Variants in ERC1 observed in about 807,000 individuals in gnomAD.
ERC1 encodes the protein ELKS/RAB6-interacting/CAST family member 1, also known as RAB6 interacting protein 2.
In ERC1, 56 loss-of-function variants were observed where a neutral mutation model predicts 132.0. The ratio of observed to expected loss-of-function variants is 0.42; its 90% CI spans 0.34 to 0.53. The LOEUF (loss-of-function observed/expected upper bound fraction) is 0.53. Among genes scored for constraint, ERC1 ranks in the 20% least tolerant of loss-of-function variants. The pLI, the probability that ERC1 is intolerant of heterozygous loss-of-function variation, is 0.03. For synonymous variants in ERC1, 478 were observed against 476.1 expected, an observed-to-expected ratio of 1.00 and a Z score of -0.05; for missense variants, 1,202 against 1,349.9, an observed-to-expected ratio of 0.89 and a Z score of 1.72.
rs1565553228 is a variant in ERC1 at position 1,493,540 on chromosome 12, AAAAAAAAAATATATATATAT to A, written c.*3312_*3331del. 1 of 22,392 alleles carries A rather than the reference AAAAAAAAAATATATATATAT, an allele frequency of 4.5e-5. No individual in the cohort carries two copies. The highest frequency in any genetic ancestry group is 9.9e-5 in the Non-Finnish European group (1 of 10,144). 1.4% of individuals were successfully genotyped at this position (22,392 alleles called of 1,614,324 possible). On this transcript the variant is annotated 3_prime_UTR_variant, in exon 19 of 19. Coordinates refer to ENST00000360905, the MANE Select transcript of ERC1 (RefSeq NM_178040.4). ...TGACAGAGACTCCATTTAAAAAAAA[AAAAAAAAAATATATATATAT>A]ATATATATATATATATATGGATGGG...
intron 17 of ERC1, 36 bp from the exon 18 acceptor site, chr12:1,444,526 C>T (rs1009525602): frequency 7.0e-6 from 10 of 1,436,840 alleles, no homozygotes; most frequent in African/African-American, 4.3e-5. Flanking sequence ...TGACTTTCCT[C>T]ATTTTATTTT....
intron 16 of ERC1, among the ~76,000 whole-genome samples, chr12:1,379,812 A>T (rs2088418720): frequency 6.6e-6 from 1 of 152,142 alleles, no homozygotes. Context: ...GTGACATACC[A>T]TCACTTCTGC....
intron 12 of ERC1, among the ~76,000 whole-genome samples, chr12:1,217,813 C>T (rs1958566103): frequency 6.6e-6 from 1 of 152,210 alleles, no homozygotes. Context: ...TCTAAATCCC[C>T]TTGACTTACT....
At chr12:1,034,529 A>G (rs1968694177) in intron 2 of ERC1, among the ~76,000 whole-genome samples, 1 of 152,188 alleles carries the variant, frequency 6.6e-6, no homozygotes, top group Non-Finnish European at 1.5e-5. Flanking sequence ...GATTGACAGT[A>G]TATGTGTGTG....
At chr12:1,476,568 G>T (rs2093979235) in intron 18 of ERC1, among the ~76,000 whole-genome samples, 1 of 152,186 alleles carries the variant, frequency 6.6e-6, no homozygotes, top group Non-Finnish European at 1.5e-5. Context: ...CAGATGGGAA[G>T]AACTACGAAT....
At chr12:1,074,114 T>C (rs561524754) in intron 2 of ERC1, among the ~76,000 whole-genome samples, 1 of 152,100 alleles carries the variant, frequency 6.6e-6, no homozygotes, top group African/African-American at 2.4e-5. Flanking sequence ...TGCCCGCCTC[T>C]GCCTTCCAAA....
chr12:1,436,636 T>C (rs1013145274), intron 17 of ERC1, among the ~76,000 whole-genome samples: 1 of 152,062 alleles, frequency 6.6e-6, no homozygotes, highest in African/African-American at 2.4e-5. Context: ...TGCCAAAAGG[T>C]GGTGTCGTGC....
chr12:1,008,491 G>T (rs1964116548), intron 1 of ERC1, among the ~76,000 whole-genome samples: 1 of 151,730 alleles, frequency 6.6e-6, no homozygotes, highest in African/African-American at 2.4e-5. Context: ...TGCCCAGGCT[G>T]GTCTCGAACT....
intron 17 of ERC1, among the ~76,000 whole-genome samples, chr12:1,418,683 TTTC>T (rs1377247510): frequency 1.8e-5 from 2 of 108,726 alleles, no homozygotes; most frequent in African/African-American, 9.5e-5. Flanking sequence ...TCTTTCTTTC[TTTC>T]TTTCTTTCTT....
chr12:1,146,315 T>TTTTGTTGTTA (rs1555269119), intron 8 of ERC1, among the ~76,000 whole-genome samples: 1 of 138,650 alleles, frequency 7.2e-6, no homozygotes, highest in African/African-American at 2.9e-5. Context: ...CTGGTTTTTT[T>TTTTGTTGTTA]TTTTTTTTTT....
At chr12:1,357,145 G>A (rs2085622991) in intron 15 of ERC1, among the ~76,000 whole-genome samples, 1 of 152,096 alleles carries the variant, frequency 6.6e-6, no homozygotes, top group Admixed American at 6.5e-5. Context: ...TTTTTTGTAA[G>A]TGTACCACAA....
intron 12 of ERC1, among the ~76,000 whole-genome samples, chr12:1,200,295 T>C (rs919198746): frequency 2.6e-5 from 4 of 152,178 alleles, no homozygotes; most frequent in African/African-American, 7.2e-5. Flanking sequence ...CTGTCTTTTC[T>C]TATTCTTTTC....
At chr12:1,359,139 G>T (rs1415124561) in intron 15 of ERC1, among the ~76,000 whole-genome samples, 1 of 152,232 alleles carries the variant, frequency 6.6e-6, no homozygotes, top group Non-Finnish European at 1.5e-5. Context: ...AAGCATAACA[G>T]CTTCAGGGAA....
intron 15 of ERC1, among the ~76,000 whole-genome samples, chr12:1,310,185 A>G (rs2081196491): frequency 7.1e-6 from 1 of 140,604 alleles, no homozygotes; most frequent in Admixed American, 7.0e-5. Context: ...AAGTTAATAC[A>G]TGTAAAACAC....
Position 1,321,129 on chromosome 12 carries a change from G to A in ERC1, c.2780+31117G>A, listed in dbSNP as rs550437553. ...TAACATGGCGAGTGCGGGGGAAAAT[G>A]AGGTTTCAAGTTAGAACTAAAATTA... On this transcript the variant is annotated intron_variant, in intron 15 of 18. Transcript: ENST00000360905. Among the ~76,000 whole-genome samples the A allele has an allele frequency of 3.3e-5, 5 of 152,352 alleles. No homozygotes were observed. The East Asian group carries it at 9.6e-4, about 29-fold the overall frequency.
At chr12:1,444,825 AC>A in intron 18 of ERC1, 75 bp downstream of exon 18, 1 of 1,368,452 alleles carries the variant, frequency 7.3e-7, no homozygotes, top group Non-Finnish European at 1.0e-6. Flanking sequence ...AGTGGGGGCT[AC>A]CTTGGGGAAT....
intron 14 of ERC1, among the ~76,000 whole-genome samples, chr12:1,269,548 G>A (rs1033774587): frequency 2.7e-4 from 41 of 152,278 alleles, no homozygotes; most frequent in African/African-American, 9.9e-4. Flanking sequence ...TTTAAAGAGG[G>A]CGTGACATCA....
intron 16 of ERC1, among the ~76,000 whole-genome samples, chr12:1,390,176 A>G (rs1487826599): frequency 6.6e-6 from 1 of 152,180 alleles, no homozygotes; most frequent in Non-Finnish European, 1.5e-5. Flanking sequence ...TTATAGTAGT[A>G]AACACTGGTA....
chr12:1,370,095 C>T (rs1362182070), intron 15 of ERC1, among the ~76,000 whole-genome samples: 2 of 152,216 alleles, frequency 1.3e-5, no homozygotes, highest in East Asian at 3.8e-4. Context: ...TTCAGCATTT[C>T]CTCAGGTCAA....
Sources: allele counts gnomAD v4.1 joint callset (sites outside exome capture counted in the v4.1 genomes callset), GRCh38; gene constraint gnomAD v4.1.1; transcripts MANE v1.5; gene names NCBI Gene and HGNC (gene_info 2026-07-23, HGNC 2026-07-21).